PTP4A3: variants seen among roughly 807,000 people sequenced by gnomAD.
The protein encoded by PTP4A3 is protein tyrosine phosphatase type IVA 3.
PTP4A3 carries 9 observed loss-of-function variants against 15.2 expected under a neutral mutation model. That is an observed-to-expected ratio of 0.59 (90% CI 0.36 to 1.03). The LOEUF is 1.03. PTP4A3 is among the 50% of genes least tolerant of loss of function. The probability of loss-of-function intolerance (pLI) is 0.02; values close to 1 mark genes in which losing one functional copy is unlikely to be tolerated. For missense variants in PTP4A3, 234 were observed against 252.1 expected, an observed-to-expected ratio of 0.93 and a Z score of 0.49; for synonymous variants, 95 against 102.0, an observed-to-expected ratio of 0.93 and a Z score of 0.41.
At chr8:141,409,353 A>G (rs991384287) in intron 1 of PTP4A3, among the ~76,000 whole-genome samples, 12 of 152,124 alleles carry the variant, frequency 7.9e-5, no homozygotes, top group African/African-American at 2.9e-4. Context: ...TCCACCCTTC[A>G]GGTCCAGGGC....
chr8:141,404,820 C>T (rs73713620), intron 1 of PTP4A3, among the ~76,000 whole-genome samples: 1,800 of 152,260 alleles, frequency 0.012, 39 homozygotes, highest in African/African-American at 0.041. Flanking sequence ...AGCTCCCTCC[C>T]GCACCTACCT....
At chr8:141,427,148 T>C (rs1833614623) in intron 4 of PTP4A3, 79 bp downstream of exon 4, 2 of 1,558,538 alleles carry the variant, frequency 1.3e-6, no homozygotes, top group African/African-American at 2.7e-5. Flanking sequence ...CTTTTGGATG[T>C]GGGTCTTGAA....
chr8:141,414,838 C>T (rs1269934861), intron 1 of PTP4A3, among the ~76,000 whole-genome samples: 3 of 151,908 alleles, frequency 2.0e-5, no homozygotes, highest in Admixed American at 6.5e-5. Context: ...GGGTGAGGTA[C>T]GAGGGCTCCG....
intron 1 of PTP4A3, among the ~76,000 whole-genome samples, chr8:141,402,570 G>T (rs574635853): frequency 6.6e-6 from 1 of 152,176 alleles, no homozygotes; most frequent in Non-Finnish European, 1.5e-5. Flanking sequence ...GCGGCCTCGC[G>T]CCTGTCCCGG....
intron 1 of PTP4A3, among the ~76,000 whole-genome samples, chr8:141,418,720 C>T (rs1350403922): frequency 6.6e-6 from 1 of 152,156 alleles, no homozygotes; most frequent in Non-Finnish European, 1.5e-5. Context: ...GGGGTGGTAG[C>T]GACTCAGGAC....
chr8:141,411,636 C>T (rs965423508), intron 1 of PTP4A3, among the ~76,000 whole-genome samples: 1 of 152,216 alleles, frequency 6.6e-6, no homozygotes, highest in Non-Finnish European at 1.5e-5. Flanking sequence ...CGTGGCCTCC[C>T]GAGGCCAGGT....
rs373525728 is a variant in PTP4A3 at position 141,425,500 on chromosome 8, G to A, written c.198+360G>A. ...TGCATCTCAGTCTTGCTGCCTGGGC[G>A]GCTGGGGCCCTGTTGCCAGGCAGCA... On this transcript the variant is annotated intron_variant, in intron 3 of 5. Coordinates refer to ENST00000521578, the MANE Select transcript of PTP4A3 (RefSeq NM_032611.3). The surrounding 1 kb of genome is among the most constrained non-coding windows in gnomAD (Gnocchi z 4.2). Among the ~76,000 whole-genome samples, 23 of 151,810 alleles carry A rather than the reference G, an allele frequency of 1.5e-4. No homozygotes were observed. The highest frequency in any genetic ancestry group is 8.5e-4 in the Admixed American group (13 of 15,278).
intron 1 of PTP4A3, among the ~76,000 whole-genome samples, chr8:141,399,007 G>GGCT (rs953182119): frequency 6.6e-6 from 1 of 152,030 alleles, no homozygotes; most frequent in Admixed American, 6.5e-5. Context: ...CGGTGCTCCC[G>GGCT]GCTGCTCTCC....
At chr8:141,396,579 G>A (rs1475131898) in intron 1 of PTP4A3, among the ~76,000 whole-genome samples, 2 of 152,066 alleles carry the variant, frequency 1.3e-5, no homozygotes, top group East Asian at 1.9e-4. Flanking sequence ...GGACAGTCCC[G>A]AGCCCTGCCC....
At chr8:141,424,898 C>G (rs1295169951) in intron 2 of PTP4A3, 150 bp from the exon 3 acceptor site, 3 of 665,210 alleles carry the variant, frequency 4.5e-6, no homozygotes, top group East Asian at 5.4e-5. Context: ...GGGGACAGGG[C>G]TCCACCCCGA....
intron 1 of PTP4A3, among the ~76,000 whole-genome samples, chr8:141,400,763 G>T (rs1026374879): frequency 6.6e-6 from 1 of 152,198 alleles, no homozygotes; most frequent in Non-Finnish European, 1.5e-5. Flanking sequence ...ACTCTTGGGG[G>T]GCTGCCCGGG....
At chr8:141,402,489 AC>A (rs1832617255) in intron 1 of PTP4A3, among the ~76,000 whole-genome samples, 2 of 152,070 alleles carry the variant, frequency 1.3e-5, no homozygotes, top group African/African-American at 2.4e-5. Context: ...TCCCACAGAC[AC>A]TGCCAGCAGG....
chr8:141,423,604 C>T (rs932377584), intron 2 of PTP4A3, among the ~76,000 whole-genome samples: 7 of 131,040 alleles, frequency 5.3e-5, no homozygotes, highest in Admixed American at 1.5e-4. Flanking sequence ...CCAGGATTAG[C>T]GCTCAGTATG....
chr8:141,411,231 C>A (rs1832860735), intron 1 of PTP4A3, among the ~76,000 whole-genome samples: 1 of 152,224 alleles, frequency 6.6e-6, no homozygotes, highest in Non-Finnish European at 1.5e-5. Context: ...AACCCAAGTG[C>A]CCAGCACAAG....
intron 5 of PTP4A3, among the ~76,000 whole-genome samples, chr8:141,430,533 G>C (rs1000542105): frequency 1.3e-5 from 2 of 152,332 alleles, no homozygotes; most frequent in South Asian, 4.1e-4. Context: ...GCGCAGCTGG[G>C]CTGGAATTCT....
chr8:141,392,274 A>G (rs1296516441), intron 1 of PTP4A3, 190 bp downstream of exon 1: 1 of 151,794 alleles, frequency 6.6e-6, no homozygotes, highest in Non-Finnish European at 1.5e-5. Flanking sequence ...TCCGGCGGGA[A>G]CGTGGGCCTG....
intron 1 of PTP4A3, among the ~76,000 whole-genome samples, chr8:141,418,288 C>T (rs1833149907): frequency 6.6e-6 from 1 of 152,236 alleles, no homozygotes; most frequent in South Asian, 2.1e-4. Flanking sequence ...ACAGGGGGCG[C>T]CCTGTCTGAA....
chr8:141,399,861 C>T (rs1429266252), intron 1 of PTP4A3, among the ~76,000 whole-genome samples: 1 of 152,238 alleles, frequency 6.6e-6, no homozygotes, highest in Non-Finnish European at 1.5e-5. Context: ...ACAAGGAGCT[C>T]ACATGGGGGA....
intron 1 of PTP4A3, among the ~76,000 whole-genome samples, chr8:141,393,989 C>T (rs1030279268): frequency 1.3e-5 from 2 of 152,204 alleles, no homozygotes; most frequent in African/African-American, 4.8e-5. Flanking sequence ...GCTACACAGA[C>T]GTGACTTTAC....
Sources: gnomAD v4.1 joint callset for allele counts (sites outside exome capture counted in the v4.1 genomes callset) on GRCh38, gnomAD v4.1.1 for gene constraint, Gnocchi (gnomAD v3.1) non-coding constraint, MANE v1.5 for transcripts, NCBI Gene and HGNC (gene_info 2026-07-23, HGNC 2026-07-21) for gene names.